RPS6KC1: variants seen among roughly 807,000 people sequenced by gnomAD.
RPS6KC1 encodes ribosomal protein S6 kinase C1.
RPS6KC1 carries 54 observed loss-of-function variants against 103.8 expected under a neutral mutation model. The observed-to-expected ratio is 0.52, with a 90% confidence interval of 0.42 to 0.65. RPS6KC1 has a LOEUF of 0.65. Among genes scored for constraint, RPS6KC1 ranks in the 30% least tolerant of loss-of-function variants. The pLI is 0.00. For missense variants in RPS6KC1, 1,151 were observed against 1,253.8 expected (o/e 0.92, Z 1.24); for synonymous variants, 439 against 438.7 (o/e 1.00, Z -0.01).
the RPS6KC1 span, among the ~76,000 whole-genome samples, chr1:213,694,235 G>C: frequency 3.3e-5 from 5 of 152,298 alleles, no homozygotes; most frequent in Admixed American, 3.3e-4. Flanking sequence ...ACTCTGAAAG[G>C]CTTCAAGCTA....
chr1:213,167,489 C>CACACACAA (rs141541042), intron 6 of RPS6KC1, among the ~76,000 whole-genome samples: 5,703 of 126,040 alleles, frequency 0.045, 257 homozygotes, highest in Middle Eastern at 0.062. Flanking sequence ...CACACACACA[C>CACACACAA]AACAGCTGTT....
chr1:213,834,709 T>TACAC, the RPS6KC1 span, among the ~76,000 whole-genome samples: 81 of 149,274 alleles, frequency 5.4e-4, 2 homozygotes, highest in East Asian at 0.011. Context: ...CACACACACG[T>TACAC]ACACACACAC....
chr1:213,734,901 TTTG>T, the RPS6KC1 span, among the ~76,000 whole-genome samples: 117,679 of 150,958 alleles, frequency 0.78, 45,974 homozygotes, highest in Middle Eastern at 0.92. Flanking sequence ...GTCAAGTGAG[TTTG>T]TTGTTGTTGT....
chr1:213,685,949 G>T, the RPS6KC1 span, among the ~76,000 whole-genome samples: 15 of 151,668 alleles, frequency 9.9e-5, no homozygotes, highest in South Asian at 2.1e-4. Context: ...ATTTTTTTTT[G>T]TGTGTGTGCA....
chr1:213,602,792 C>G, the RPS6KC1 span, among the ~76,000 whole-genome samples: 1 of 152,194 alleles, frequency 6.6e-6, no homozygotes, highest in Admixed American at 6.5e-5. Flanking sequence ...CATTAGTTTT[C>G]TCTAGCTCCC....
the RPS6KC1 span, among the ~76,000 whole-genome samples, chr1:213,330,925 T>G: frequency 6.6e-6 from 1 of 152,188 alleles, no homozygotes; most frequent in Non-Finnish European, 1.5e-5. Context: ...ATCACATCTC[T>G]GCTGAGCCAT....
the RPS6KC1 span, among the ~76,000 whole-genome samples, chr1:213,359,671 GC>G: frequency 9.9e-5 from 1 of 10,152 alleles, no homozygotes. Context: ...TTACAATTTG[GC>G]AGTGTTTTTG....
intron 8 of RPS6KC1, among the ~76,000 whole-genome samples, chr1:213,201,273 C>CCAT (rs1224020820): frequency 4.6e-5 from 7 of 152,178 alleles, no homozygotes; most frequent in Admixed American, 2.6e-4. Context: ...ATGTTACTCA[C>CCAT]TGGTAAAAAA....
the RPS6KC1 span, among the ~76,000 whole-genome samples, chr1:213,813,818 A>T: frequency 6.6e-6 from 1 of 152,184 alleles, no homozygotes; most frequent in African/African-American, 2.4e-5. Flanking sequence ...CGTCTCTGGG[A>T]GTCCATAGCA....
the RPS6KC1 span, among the ~76,000 whole-genome samples, chr1:213,539,421 C>T: frequency 6.6e-6 from 1 of 152,202 alleles, no homozygotes; most frequent in Non-Finnish European, 1.5e-5. Flanking sequence ...ACCCAAAGCA[C>T]AGCAGTTTCT....
chr1:213,199,618 T>A (rs1284805465), intron 8 of RPS6KC1, among the ~76,000 whole-genome samples: 1 of 152,200 alleles, frequency 6.6e-6, no homozygotes, highest in Non-Finnish European at 1.5e-5. Flanking sequence ...GCCACTCTTA[T>A]TCAACATAGT....
the RPS6KC1 span, among the ~76,000 whole-genome samples, chr1:213,525,905 A>G: frequency 6.6e-6 from 1 of 152,200 alleles, no homozygotes; most frequent in Non-Finnish European, 1.5e-5. Context: ...GAGGACAGAA[A>G]GTGGAAACAG....
chr1:213,551,740 G>A, the RPS6KC1 span, among the ~76,000 whole-genome samples: 1 of 152,264 alleles, frequency 6.6e-6, no homozygotes, highest in Admixed American at 6.5e-5. Flanking sequence ...TTACGCCGGG[G>A]TTCTTTCTTG....
the RPS6KC1 span, among the ~76,000 whole-genome samples, chr1:213,332,900 G>A: frequency 3.9e-3 from 594 of 152,260 alleles, 1 homozygote; most frequent in African/African-American, 0.014. Context: ...GTTAGGAGGA[G>A]GAAACATTAC....
At chr1:213,195,549 T>C (rs1215331602) in intron 8 of RPS6KC1, among the ~76,000 whole-genome samples, 4 of 152,208 alleles carry the variant, frequency 2.6e-5, no homozygotes, top group African/African-American at 9.7e-5. Context: ...GAGATTTTGG[T>C]GCATCTATCA....
chr1:213,226,426 C>T (rs1032088204), intron 8 of RPS6KC1, among the ~76,000 whole-genome samples: 1 of 152,044 alleles, frequency 6.6e-6, no homozygotes, highest in Admixed American at 6.5e-5. Context: ...TTTGGAGGCT[C>T]AAGATTTGTG....
At chr1:213,063,678 GC>G (rs1234719272) in intron 1 of RPS6KC1, among the ~76,000 whole-genome samples, 1 of 152,160 alleles carries the variant, frequency 6.6e-6, no homozygotes, top group African/African-American at 2.4e-5. Context: ...AAATTGAGTG[GC>G]TAGATGTCTT....
the RPS6KC1 span, among the ~76,000 whole-genome samples, chr1:213,462,363 A>G: frequency 1.5e-4 from 23 of 152,338 alleles, no homozygotes; most frequent in Middle Eastern, 3.4e-3. Context: ...TTCCTCAAGG[A>G]TCTAGAACCA....
At chr1:213,494,787 T>C in the RPS6KC1 span, among the ~76,000 whole-genome samples, 1 of 151,786 alleles carries the variant, frequency 6.6e-6, no homozygotes, top group African/African-American at 2.4e-5. Context: ...TTTTTTGAAC[T>C]GAAGAACTGA....
Sources: allele counts gnomAD v4.1 joint callset (sites outside exome capture counted in the v4.1 genomes callset), GRCh38; gene constraint gnomAD v4.1.1; transcripts MANE v1.5; gene names NCBI Gene and HGNC (gene_info 2026-07-23, HGNC 2026-07-21).